Variants in VEZT observed in about 807,000 individuals in gnomAD.
VEZT encodes vezatin, adherens junctions transmembrane protein, also known as vezatin.
Under a neutral mutation model 79.9 loss-of-function variants are expected in VEZT, and 39 were observed. The observed-to-expected ratio is 0.49, with a 90% CI of 0.38 to 0.64. The LOEUF (loss-of-function observed/expected upper bound fraction) is 0.64, where lower values mean the gene tolerates loss of function less well. Among genes scored for constraint, VEZT ranks in the 30% least tolerant of loss-of-function variants. VEZT has a pLI of 0.00. For missense variants in VEZT, 837 were observed against 893.1 expected (o/e 0.94, Z 0.80); for synonymous variants, 325 against 327.6 (o/e 0.99, Z 0.09).
rs1234451654 is a variant in VEZT at position 95,262,990 on chromosome 12, C to T, written c.343C>T (p.Leu115Phe). Residue 115 changes from leucine (L) to phenylalanine (F), a missense_variant, in exon 4 of 12, where the codon CTT (leucine) becomes TTT (phenylalanine). Physicochemically the swap from Leu to Phe is conservative, Grantham distance 22 (BLOSUM62 0). Transcript: ENST00000436874. ...AGAGGATGTGGAGCTGATTGAGCTA[C>T]TTGATCCCAGTATCCTGTCTGCAGG... ...LQEDVELIEL[L>F]DPSILSAGQS... 1.2e-6 allele frequency: 2 copies of T among 1,613,720 alleles called. No individual in the cohort carries two copies. The highest frequency in any genetic ancestry group is 1.7e-6 in the Non-Finnish European group (2 of 1,179,652).
At chr12:95,267,703 A>G (rs1237725737) in intron 5 of VEZT, among the ~76,000 whole-genome samples, 1 of 152,210 alleles carries the variant, frequency 6.6e-6, no homozygotes, top group African/African-American at 2.4e-5. Context: ...GATGGATTTT[A>G]TAATTTCTCT....
At chr12:95,282,725 T>G (rs2069500369) in intron 8 of VEZT, 81 bp downstream of exon 8, 2 of 1,259,204 alleles carry the variant, frequency 1.6e-6, no homozygotes, top group South Asian at 3.2e-5. Flanking sequence ...TTGGCTTGTG[T>G]CCTACCTAGA....
chr12:95,284,480 A>G lies in VEZT; in HGVS notation c.1328+1836A>G, dbSNP rs74775543. Among the ~76,000 whole-genome samples, 125 of 152,298 alleles carry G rather than the reference A, an allele frequency of 8.2e-4. 1 individual carries two copies. In the East Asian group the frequency reaches 0.022, roughly 26 times the overall value. ...ATGGCCAGATTAGTGTTACTGAGGC[A>G]TATATTTGCTTTCTCACTTCACTGA... is the stretch of plus-strand genomic sequence containing the variant. On this transcript the variant is annotated intron_variant, in intron 8 of 11. Coordinates refer to ENST00000436874, the MANE Select transcript of VEZT (RefSeq NM_017599.4).
chr12:95,226,764 A>T (rs2058551459), intron 1 of VEZT, among the ~76,000 whole-genome samples: 1 of 152,222 alleles, frequency 6.6e-6, no homozygotes, highest in South Asian at 2.1e-4. Context: ...GAAAGAGTGA[A>T]GTGCCCAGGC....
chr12:95,244,802 C>T (rs1346111992), intron 1 of VEZT, among the ~76,000 whole-genome samples: 1 of 151,012 alleles, frequency 6.6e-6, no homozygotes, highest in African/African-American at 2.4e-5. Context: ...AAGACAAATG[C>T]ATTTCATTAT....
chr12:95,233,022 T>C (rs545893588), intron 1 of VEZT, among the ~76,000 whole-genome samples: 1 of 152,158 alleles, frequency 6.6e-6, no homozygotes, highest in Non-Finnish European at 1.5e-5. Context: ...CTCAGACTGG[T>C]CTCAAATTCC....
intron 9 of VEZT, among the ~76,000 whole-genome samples, chr12:95,291,157 G>A (rs2072677725): frequency 6.6e-6 from 1 of 152,168 alleles, no homozygotes; most frequent in African/African-American, 2.4e-5. Context: ...TTTGAGCCCA[G>A]GAGGTCGAGG....
At chr12:95,262,628 A>G (rs11831825) in intron 3 of VEZT, among the ~76,000 whole-genome samples, 6 of 152,200 alleles carry the variant, frequency 3.9e-5, no homozygotes, top group African/African-American at 1.2e-4. Flanking sequence ...GCTTAACTAG[A>G]CAAGTTTGTT....
intron 1 of VEZT, among the ~76,000 whole-genome samples, chr12:95,219,265 G>T (rs1365413352): frequency 6.6e-6 from 1 of 152,118 alleles, no homozygotes; most frequent in African/African-American, 2.4e-5. Flanking sequence ...AGTAATATAT[G>T]CTCAAGGAAC....
intron 7 of VEZT, 125 bp downstream of exon 7, chr12:95,275,014 T>C (rs943270957): frequency 2.6e-6 from 3 of 1,137,238 alleles, no homozygotes; most frequent in Admixed American, 3.0e-5. Flanking sequence ...TCATCATAAA[T>C]GCACGGGTGA....
intron 9 of VEZT, among the ~76,000 whole-genome samples, chr12:95,288,238 A>G (rs1472193031): frequency 1.3e-5 from 2 of 152,306 alleles, no homozygotes; most frequent in African/African-American, 2.4e-5. Context: ...TTAAGATAAA[A>G]TACTTAACTT....
At chr12:95,276,201 G>A (rs977976348) in intron 7 of VEZT, among the ~76,000 whole-genome samples, 6 of 147,744 alleles carry the variant, frequency 4.1e-5, no homozygotes, top group Admixed American at 1.3e-4. Flanking sequence ...TGACATTAGT[G>A]TAGCAGCCAA....
chr12:95,289,276 G>T (rs565325026), intron 9 of VEZT, among the ~76,000 whole-genome samples: 5 of 150,748 alleles, frequency 3.3e-5, no homozygotes, highest in Admixed American at 2.6e-4. Context: ...AATTAGCCGG[G>T]CATGGTGGCG....
At chr12:95,219,018 G>C (rs906191662) in intron 1 of VEZT, among the ~76,000 whole-genome samples, 1 of 152,100 alleles carries the variant, frequency 6.6e-6, no homozygotes, top group Non-Finnish European at 1.5e-5. Flanking sequence ...TGGAAAATGT[G>C]GCCATTTTAC....
At chr12:95,272,146 G>A (rs2066736336) in intron 6 of VEZT, among the ~76,000 whole-genome samples, 1 of 152,156 alleles carries the variant, frequency 6.6e-6, no homozygotes, top group African/African-American at 2.4e-5. Flanking sequence ...TCCAGCCTGG[G>A]CAACAGAGTG....
chr12:95,245,869 A>G (rs1177350988), intron 1 of VEZT, among the ~76,000 whole-genome samples: 1 of 152,130 alleles, frequency 6.6e-6, no homozygotes, highest in African/African-American at 2.4e-5. Flanking sequence ...AGTCCCAGCC[A>G]CTCAGAGGCT....
chr12:95,295,504 C>T (rs2073943084), intron 10 of VEZT, among the ~76,000 whole-genome samples: 1 of 152,142 alleles, frequency 6.6e-6, no homozygotes, highest in African/African-American at 2.4e-5. Context: ...CGATCTGATG[C>T]AGGTACGTCG....
intron 7 of VEZT, among the ~76,000 whole-genome samples, chr12:95,281,080 G>A (rs1000094347): frequency 1.3e-5 from 2 of 152,156 alleles, no homozygotes; most frequent in Admixed American, 1.3e-4. Flanking sequence ...ATTACCCAAA[G>A]TGGTTTCATC....
At chr12:95,287,591 A>G in intron 8 of VEZT, 73 bp from the exon 9 acceptor site, 1 of 1,337,062 alleles carries the variant, frequency 7.5e-7, no homozygotes, top group Non-Finnish European at 9.8e-7. Context: ...CTTATTTTAA[A>G]ATAAGCCTCG....
Sources: allele counts gnomAD v4.1 joint callset (sites outside exome capture counted in the v4.1 genomes callset), GRCh38; gene constraint gnomAD v4.1.1; transcripts MANE v1.5; gene names NCBI Gene and HGNC (gene_info 2026-07-23, HGNC 2026-07-21).